CAMK1G: variants seen among roughly 807,000 people sequenced by gnomAD.
CAMK1G encodes calcium/calmodulin dependent protein kinase IG.
A neutral mutation model predicts 54.8 loss-of-function variants in CAMK1G; 27 were observed. The ratio of observed to expected loss-of-function variants is 0.49; its 90% confidence interval spans 0.36 to 0.68. The LOEUF is 0.68. Ranked by LOEUF, CAMK1G falls within the 30% of genes least tolerant of loss-of-function variation. The pLI is 0.00. For synonymous variants in CAMK1G, 238 were observed against 224.9 expected (o/e 1.06, Z -0.52); for missense variants, 512 against 591.0 (o/e 0.87, Z 1.39).
chr1:209,595,075 C>A lies in CAMK1G; in HGVS notation c.92C>A (p.Ser31Ter). Residue 31 changes from serine to a stop codon, truncating the protein, a stop_gained and splice_region_variant, in exon 2 of 13, where the codon TCA (serine) becomes TAA (stop). Coordinates refer to ENST00000361322, the MANE Select transcript of CAMK1G (RefSeq NM_020439.3). LOFTEE classifies it high-confidence loss of function. ...KTFIFMEVLG[S>*]GAFSEVFLVK... ...TTCATTTTTATGGAAGTGCTGGGAT[C>A]GTAAGTCCTGGGGCTGTGAGGTCGG... 1 of 1,612,952 alleles carries A rather than the reference C, an allele frequency of 6.2e-7. No individual in the cohort carries two copies. The highest frequency in any genetic ancestry group is 8.5e-7 in the Non-Finnish European group (1 of 1,179,044).
intron 1 of CAMK1G, among the ~76,000 whole-genome samples, chr1:209,588,394 T>C (rs960854414): frequency 2.6e-5 from 4 of 151,184 alleles, no homozygotes; most frequent in African/African-American, 9.7e-5. Context: ...TTGGATTGGA[T>C]TGGATTGGAT....
chr1:209,608,030 C>A, intron 7 of CAMK1G, 97 bp downstream of exon 7: 1 of 878,364 alleles, frequency 1.1e-6, no homozygotes, highest in Non-Finnish European at 1.8e-6. Context: ...CCTCCAAGCA[C>A]GTGCATGTGC....
At chr1:209,610,076 G>T (rs1485329530) in intron 9 of CAMK1G, 147 bp downstream of exon 9, 1 of 708,884 alleles carries the variant, frequency 1.4e-6, no homozygotes, top group Admixed American at 2.2e-5. Context: ...TGTTCATCAG[G>T]CCCAGGTAGA....
At chr1:209,595,310 T>G (rs1011789628) in intron 2 of CAMK1G, among the ~76,000 whole-genome samples, 12 of 152,174 alleles carry the variant, frequency 7.9e-5, no homozygotes, top group African/African-American at 2.9e-4. Flanking sequence ...TAGTCCAAGC[T>G]ACACGGGAGG....
chr1:209,611,561 T>A lies in CAMK1G; in HGVS notation c.915+9T>A, dbSNP rs771795200. ...CTAAGAGCAAGTGGAGGGTAAGCTG[T>A]CCTCTCCAGGGGGTGGGAAAGCTGT... On this transcript the variant is annotated intron_variant, in intron 10 of 12. Transcript: ENST00000361322. The A allele has an allele frequency of 1.9e-6, 3 of 1,611,228 alleles. No homozygotes were observed. The South Asian group carries it at 3.3e-5, about 18-fold the overall frequency.
chr1:209,599,807 C>A (rs1191769047), intron 2 of CAMK1G, among the ~76,000 whole-genome samples, 176 bp from the exon 3 acceptor site: 1 of 152,190 alleles, frequency 6.6e-6, no homozygotes, highest in East Asian at 1.9e-4. Flanking sequence ...AGGTTCCCCC[C>A]TTCCCTTTTT....
At chr1:209,590,744 G>C (rs1665225228) in intron 1 of CAMK1G, among the ~76,000 whole-genome samples, 1 of 152,012 alleles carries the variant, frequency 6.6e-6, no homozygotes, top group Non-Finnish European at 1.5e-5. Context: ...AGAGAGCAAG[G>C]ATGGGGGAGG....
chr1:209,585,403 T>A (rs1180078900), intron 1 of CAMK1G, among the ~76,000 whole-genome samples: 1 of 152,148 alleles, frequency 6.6e-6, no homozygotes, highest in Non-Finnish European at 1.5e-5. Flanking sequence ...ATGAGTGACA[T>A]CCCAGCAACT....
chr1:209,591,883 C>T (rs1456682326), intron 1 of CAMK1G, among the ~76,000 whole-genome samples: 2 of 152,250 alleles, frequency 1.3e-5, no homozygotes, highest in South Asian at 2.1e-4. Context: ...TGGTCATCAC[C>T]GTCTCTTCTC....
chr1:209,594,948 A>C lies in CAMK1G; in HGVS notation c.-29-7A>C. ...TTCTCCTCCTTCTCCCACTCCCTGC[A>C]ATAAAGCATCCTCAGAAGCTTCAAC... On this transcript the variant is annotated splice_region_variant and splice_polypyrimidine_tract_variant and intron_variant, in intron 1 of 12. Coordinates refer to ENST00000361322, the MANE Select transcript of CAMK1G (RefSeq NM_020439.3). The C allele has an allele frequency of 6.3e-7, 1 of 1,587,570 alleles. No individual in the cohort carries two copies. The highest frequency in any genetic ancestry group is 8.6e-7 in the Non-Finnish European group (1 of 1,159,064).
At chr1:209,586,924 T>C (rs1665117379) in intron 1 of CAMK1G, among the ~76,000 whole-genome samples, 1 of 152,116 alleles carries the variant, frequency 6.6e-6, no homozygotes, top group Non-Finnish European at 1.5e-5. Flanking sequence ...TTATGGCTTG[T>C]CACTGCAGCA....
intron 3 of CAMK1G, among the ~76,000 whole-genome samples, chr1:209,602,443 C>T (rs1365025293): frequency 1.3e-5 from 2 of 152,178 alleles, no homozygotes; most frequent in African/African-American, 2.4e-5. Flanking sequence ...ACACTTCCTC[C>T]GTGGTTATCC....
Position 209,600,085 on chromosome 1 carries a change from G to A in CAMK1G, c.195G>A (p.Leu65=). 1 of 1,613,832 alleles carries A rather than the reference G, an allele frequency of 6.2e-7. No individual in the cohort carries two copies. ...CACCTGCCTTCCGGGACAGCAGCCT[G>A]GAGAATGAGATTGCTGTGTTGAAAA... ...KKSPAFRDSS[L]ENEIAVLKKI... The change falls in exon 3 of 13, where the codon CTG becomes CTA. Residue 65 remains leucine (L), a synonymous_variant. Transcript: ENST00000361322.
rs77460832 is a variant in CAMK1G at position 209,604,256 on chromosome 1, C to A, written c.296+968C>A. On this transcript the variant is annotated intron_variant, in intron 4 of 12. Transcript: ENST00000361322. ...GTCAAGGGAGTGAGGTGGAAAGGGCCCCTAGTGGCACTAACAAGTGATCAG... is the reference window on the plus strand; with the variant it reads ...GTCAAGGGAGTGAGGTGGAAAGGGCACCTAGTGGCACTAACAAGTGATCAG... Among the ~76,000 whole-genome samples, 481 of 152,152 alleles carry A rather than the reference C, an allele frequency of 3.2e-3. 4 individuals carry two copies. Among genetic ancestry groups the A allele is most frequent in the African/African-American group, 0.011 (443 of 41,492 alleles).
chr1:209,592,901 C>T (rs1385422312), intron 1 of CAMK1G, among the ~76,000 whole-genome samples: 1 of 152,094 alleles, frequency 6.6e-6, no homozygotes, highest in Non-Finnish European at 1.5e-5. Flanking sequence ...CACGAGTCCT[C>T]CAGATGTGGA....
intron 1 of CAMK1G, among the ~76,000 whole-genome samples, chr1:209,585,379 G>A (rs902522129): frequency 6.6e-5 from 10 of 152,196 alleles, no homozygotes; most frequent in African/African-American, 2.4e-4. Flanking sequence ...AGCATCATAA[G>A]GATGAAGGTG....
At chr1:209,598,273 A>G (rs1305095125) in intron 2 of CAMK1G, among the ~76,000 whole-genome samples, 1 of 152,208 alleles carries the variant, frequency 6.6e-6, no homozygotes, top group Non-Finnish European at 1.5e-5. Flanking sequence ...TTGTCTTTGC[A>G]GATCCTACTG....
At chr1:209,584,422 G>T (rs1420263424) in intron 1 of CAMK1G, among the ~76,000 whole-genome samples, 2 of 152,130 alleles carry the variant, frequency 1.3e-5, no homozygotes, top group Non-Finnish European at 2.9e-5. Context: ...CCGAGCTATC[G>T]CTGTCAGTCA....
intron 4 of CAMK1G, among the ~76,000 whole-genome samples, chr1:209,604,608 G>GGACAGT (rs1409602135): frequency 6.6e-6 from 1 of 152,164 alleles, no homozygotes; most frequent in Non-Finnish European, 1.5e-5. Flanking sequence ...TAATGTCATG[G>GGACAGT]GACAGTGGTA....
Sources: allele counts gnomAD v4.1 joint callset (sites outside exome capture counted in the v4.1 genomes callset), GRCh38; gene constraint gnomAD v4.1.1; transcripts MANE v1.5; gene names NCBI Gene and HGNC (gene_info 2026-07-23, HGNC 2026-07-21).